The following WDR7 variants were observed in gnomAD, a reference collection of about 807,000 sequenced individuals.
WDR7 encodes the protein WD repeat domain 7.
A neutral mutation model predicts 169.4 loss-of-function variants in WDR7; 46 were observed. The ratio of observed to expected loss-of-function variants is 0.27; its 90% CI spans 0.21 to 0.35. The LOEUF (loss-of-function observed/expected upper bound fraction) is 0.35. Ranked by LOEUF, WDR7 falls within the 10% of genes least tolerant of loss-of-function variation. WDR7 has a pLI of 1.00. For missense variants in WDR7, 1,534 were observed against 1,859.3 expected, an observed-to-expected ratio of 0.83 and a Z score of 3.22; for synonymous variants, 612 against 666.8, an observed-to-expected ratio of 0.92 and a Z score of 1.27.
rs895267752 is a variant in WDR7, at chr18:56,776,744, A to G, written c.2849-38A>G. On this transcript the variant is annotated intron_variant, in intron 16 of 27. Coordinates refer to ENST00000254442, the MANE Select transcript of WDR7 (RefSeq NM_015285.3). ...TTTTTTCAGAAACTGCTGTACTTCA[A>G]TTCTCTCCTCTTTACTTCTTCTCTT... is the stretch of plus-strand genomic sequence containing the variant. The G allele has an allele frequency of 6.3e-6, 10 of 1,579,478 alleles. No individual in the cohort carries two copies. In the Admixed American group the frequency reaches 6.7e-5, roughly 11 times the overall value.
chr18:56,686,246 G>A (rs1415239014), intron 6 of WDR7, among the ~76,000 whole-genome samples: 1 of 151,820 alleles, frequency 6.6e-6, no homozygotes, highest in Non-Finnish European at 1.5e-5. Flanking sequence ...CTCTATCATG[G>A]ATATAAAATA....
At chr18:56,817,432 G>A (rs2044996776) in intron 20 of WDR7, among the ~76,000 whole-genome samples, 1 of 151,842 alleles carries the variant, frequency 6.6e-6, no homozygotes, top group South Asian at 2.1e-4. Context: ...GTAGGTTACT[G>A]TTACATGGGA....
chr18:56,897,463 T>C (rs936309619), intron 21 of WDR7, among the ~76,000 whole-genome samples: 5 of 151,514 alleles, frequency 3.3e-5, no homozygotes, highest in African/African-American at 1.2e-4. Context: ...ATGAAATAAT[T>C]TATTATTAGG....
At chr18:56,965,736 A>G (rs2047400034) in intron 26 of WDR7, among the ~76,000 whole-genome samples, 2 of 152,164 alleles carry the variant, frequency 1.3e-5, no homozygotes, top group Admixed American at 1.3e-4. Flanking sequence ...CTTTACAGAA[A>G]GGGTTTGCTA....
At chr18:56,712,305 G>A (rs1016052566) in intron 12 of WDR7, among the ~76,000 whole-genome samples, 10 of 152,090 alleles carry the variant, frequency 6.6e-5, no homozygotes, top group African/African-American at 2.2e-4. Context: ...AATGTGTAAG[G>A]TCAGACTGGG....
intron 21 of WDR7, among the ~76,000 whole-genome samples, chr18:56,886,169 A>G (rs973124715): frequency 1.3e-5 from 2 of 152,206 alleles, no homozygotes; most frequent in African/African-American, 2.4e-5. Flanking sequence ...ACCTAGGCAC[A>G]TAGTCATCAG....
intron 21 of WDR7, among the ~76,000 whole-genome samples, chr18:56,892,849 TTTTAG>T (rs756322333): frequency 3.9e-4 from 59 of 151,228 alleles, no homozygotes; most frequent in Non-Finnish European, 5.2e-4. Flanking sequence ...ATTTAGATAG[TTTTAG>T]TTTAGTTTAG....
At chr18:56,971,408 CTT>C (rs1352350097) in intron 26 of WDR7, among the ~76,000 whole-genome samples, 1 of 151,872 alleles carries the variant, frequency 6.6e-6, no homozygotes, top group Non-Finnish European at 1.5e-5. Flanking sequence ...ATAAAACAAA[CTT>C]ATGATGGCTC....
At chr18:56,682,935 A>T in intron 5 of WDR7, 82 bp downstream of exon 5, 1 of 1,402,096 alleles carries the variant, frequency 7.1e-7, no homozygotes, top group Non-Finnish European at 9.8e-7. Context: ...TTTATCATAA[A>T]TTAATACTTT....
intron 19 of WDR7, among the ~76,000 whole-genome samples, chr18:56,810,652 A>G (rs1599063472): frequency 6.6e-6 from 1 of 151,948 alleles, no homozygotes; most frequent in African/African-American, 2.4e-5. Context: ...GTTCTATGTG[A>G]CTCTTTTCCT....
At chr18:56,834,321 C>T (rs1401843718) in intron 20 of WDR7, among the ~76,000 whole-genome samples, 1 of 152,174 alleles carries the variant, frequency 6.6e-6, no homozygotes, top group African/African-American at 2.4e-5. Context: ...TAGTAAGTCA[C>T]AGATCCTGCC....
In WDR7 at chr18:56,843,407, G is replaced by A. The variant is rs774775848; in HGVS notation, c.3304+27263G>A. ...CTGCCTCCATCCTCTGTCAACCACT[G>A]TTCTGCTTTCTGTCTCTATGAATTT... is the stretch of plus-strand genomic sequence containing the variant. On this transcript the variant is annotated intron_variant, in intron 20 of 27. Transcript: ENST00000254442. Among the ~76,000 whole-genome samples, 176 of 152,104 alleles carry A rather than the reference G, an allele frequency of 1.2e-3. 2 individuals are homozygous for A. Among genetic ancestry groups the A allele is most frequent in the Non-Finnish European group, 1.8e-4 (12 of 68,018 alleles).
intron 20 of WDR7, among the ~76,000 whole-genome samples, chr18:56,825,343 A>G (rs1047919686): frequency 1.3e-5 from 2 of 152,238 alleles, no homozygotes; most frequent in African/African-American, 4.8e-5. Context: ...AACTTATGTA[A>G]AAGAACACAT....
intron 26 of WDR7, among the ~76,000 whole-genome samples, chr18:56,974,184 T>G (rs1433842834): frequency 2.0e-5 from 3 of 152,192 alleles, no homozygotes; most frequent in Non-Finnish European, 4.4e-5. Context: ...ACACCTAATT[T>G]CATGTGTGTA....
chr18:56,776,049 A>G (rs755322716), intron 16 of WDR7, among the ~76,000 whole-genome samples: 2 of 152,126 alleles, frequency 1.3e-5, no homozygotes, highest in African/African-American at 2.4e-5. Flanking sequence ...GCTTTTTCGT[A>G]TGATAATTTA....
At chr18:56,795,628 A>C (rs374923210) in intron 19 of WDR7, among the ~76,000 whole-genome samples, 2 of 152,190 alleles carry the variant, frequency 1.3e-5, no homozygotes, top group African/African-American at 4.8e-5. Flanking sequence ...GCACTGCCAT[A>C]CATGATATGA....
intron 27 of WDR7, among the ~76,000 whole-genome samples, chr18:57,022,691 A>T (rs1318221867): frequency 6.6e-6 from 1 of 152,212 alleles, no homozygotes; most frequent in Non-Finnish European, 1.5e-5. Flanking sequence ...CCCTTCCTTG[A>T]ATATTTTTCT....
intron 21 of WDR7, among the ~76,000 whole-genome samples, chr18:56,911,328 T>G (rs939062310): frequency 1.3e-5 from 2 of 152,194 alleles, no homozygotes; most frequent in African/African-American, 4.8e-5. Context: ...CAATATTAAT[T>G]CGTTCATTTA....
chr18:56,846,483 A>G (rs2045570278), intron 20 of WDR7, among the ~76,000 whole-genome samples: 1 of 152,232 alleles, frequency 6.6e-6, no homozygotes, highest in Non-Finnish European at 1.5e-5. Flanking sequence ...TGCTGCCACC[A>G]TGTAAAAAGT....
Sources: allele counts gnomAD v4.1 joint callset (sites outside exome capture counted in the v4.1 genomes callset), GRCh38; gene constraint gnomAD v4.1.1; transcripts MANE v1.5; gene names NCBI Gene and HGNC (gene_info 2026-07-23, HGNC 2026-07-21).